Variants in SYNE1 observed in about 807,000 individuals in gnomAD.
The protein encoded by SYNE1 is nesprin-1.
In SYNE1, 616 loss-of-function variants were observed where a neutral mutation model predicts 1,111.0. The observed-to-expected ratio is 0.55, with a 90% CI of 0.52 to 0.59. The LOEUF is 0.59. Among genes scored for constraint, SYNE1 ranks in the 20% least tolerant of loss-of-function variants. The pLI, the probability that SYNE1 is intolerant of heterozygous loss-of-function variation, is 0.00. For missense variants in SYNE1, 10,006 were observed against 10,417.0 expected, an observed-to-expected ratio of 0.96 and a Z score of 1.72; for synonymous variants, 3,855 against 3,825.8, an observed-to-expected ratio of 1.01 and a Z score of -0.28.
chr6:152,633,003 A>G (rs1428970137), intron 2 of SYNE1, among the ~76,000 whole-genome samples: 1 of 152,238 alleles, frequency 6.6e-6, no homozygotes, highest in Non-Finnish European at 1.5e-5. Context: ...CGACTGGTGC[A>G]AGGTCATGAG....
Position 152,330,029 on chromosome 6 carries a change from T to C in SYNE1, c.14656A>G (p.Ser4886Gly), listed in dbSNP as rs907792819. The C allele has an allele frequency of 1.2e-5, 19 of 1,614,062 alleles. No individual in the cohort carries two copies. The highest frequency in any genetic ancestry group is 5.3e-5 in the African/African-American group (4 of 74,912). Residue 4886 changes from serine to glycine, a missense_variant, in exon 78 of 146, where the codon AGT becomes GGT. Physicochemically the swap from Ser to Gly is moderately conservative, Grantham distance 56. Around this residue, in one of 7 missense-constraint regions of SYNE1, gnomAD observed 4,955 missense variants for 5,017.2 expected, o/e 0.99. Transcript: ENST00000367255. The part of the protein sequence containing the change: ...VTECESRMVQ[S>G]IDFQTEMSRS... ...CTCATCTCAGTCTGGAAGTCTATAC[T>C]CTGCACCATTCGGCTCTCACATTCT...
intron 41 of SYNE1, 138 bp from the exon 42 acceptor site, chr6:152,413,669 T>C: frequency 1.2e-6 from 1 of 859,660 alleles, no homozygotes; most frequent in South Asian, 1.6e-5. Flanking sequence ...ATTAAATTAA[T>C]GTTTATCAAT....
At chr6:152,243,837 G>T (rs2086399677) in intron 106 of SYNE1, among the ~76,000 whole-genome samples, 1 of 152,064 alleles carries the variant, frequency 6.6e-6, no homozygotes, top group Non-Finnish European at 1.5e-5. Flanking sequence ...TTTCTTGATC[G>T]AACATAACTG....
At chr6:152,254,218 C>T (rs1010334189) in intron 104 of SYNE1, among the ~76,000 whole-genome samples, 9 of 130,424 alleles carry the variant, frequency 6.9e-5, no homozygotes, top group South Asian at 2.7e-4. Context: ...ATGGCCCTTT[C>T]TATATTCCAA....
At chr6:152,435,857 A>AGAG (rs2154214448) in intron 33 of SYNE1, 84 bp downstream of exon 33, 2 of 1,512,984 alleles carry the variant, frequency 1.3e-6, no homozygotes, top group South Asian at 2.3e-5. Flanking sequence ...AGATTTTAAA[A>AGAG]GAGTGTTTTG....
intron 96 of SYNE1, among the ~76,000 whole-genome samples, chr6:152,282,530 T>C (rs1388451875): frequency 1.3e-5 from 2 of 152,294 alleles, no homozygotes; most frequent in East Asian, 3.9e-4. Context: ...AGTTTTTCAA[T>C]GATTGCAAAT....
At chr6:152,447,647 G>C in intron 28 of SYNE1, 25 bp from the exon 29 acceptor site, 2 of 1,613,880 alleles carry the variant, frequency 1.2e-6, no homozygotes, top group Non-Finnish European at 1.7e-6. Context: ...CACTTTTGAT[G>C]AACACAGTGC....
chr6:152,524,632 G>A (rs1426400295), intron 5 of SYNE1, among the ~76,000 whole-genome samples: 1 of 152,058 alleles, frequency 6.6e-6, no homozygotes, highest in Non-Finnish European at 1.5e-5. Flanking sequence ...TTCCAAAGCA[G>A]AGCTTGAGAC....
chr6:152,622,611 G>A (rs541566269), intron 3 of SYNE1, among the ~76,000 whole-genome samples: 1 of 152,168 alleles, frequency 6.6e-6, no homozygotes, highest in African/African-American at 2.4e-5. Context: ...TTCTTTTTAT[G>A]GCTGCATAGT....
rs1269128901 is a variant in SYNE1, at chr6:152,336,857, A to G, written c.12512T>C (p.Met4171Thr). The change falls in exon 76 of 146, where the codon ATG becomes ACG. Residue 4171 changes from methionine to threonine, a missense_variant. Transcript: ENST00000367255. ...SELELNIAQN[M>T]VSQVKDFVKK... ...AATTCCCACCTTAACTTGTGAAACC[A>G]TGTTCTGTGCAATGTTCAGCTCCAG... 3 of 1,613,700 alleles carry G rather than the reference A, an allele frequency of 1.9e-6. No individual in the cohort carries two copies. Among genetic ancestry groups the G allele is most frequent in the East Asian group, 4.5e-5 (2 of 44,886 alleles).
intron 112 of SYNE1, among the ~76,000 whole-genome samples, 160 bp downstream of exon 112, chr6:152,233,621 G>A (rs983977411): frequency 6.6e-6 from 1 of 152,138 alleles, no homozygotes; most frequent in Non-Finnish European, 1.5e-5. Context: ...CACCGCGCCC[G>A]GCCAGAGTTC....
intron 56 of SYNE1, among the ~76,000 whole-genome samples, chr6:152,377,267 G>A (rs1467482597): frequency 6.6e-6 from 1 of 152,028 alleles, no homozygotes; most frequent in Non-Finnish European, 1.5e-5. Context: ...TTGTTTAAAG[G>A]TGAAAACAAA....
At chr6:152,256,539 G>A (rs1242617574) in intron 102 of SYNE1, 95 bp downstream of exon 102, 2 of 1,542,202 alleles carry the variant, frequency 1.3e-6, no homozygotes, top group Admixed American at 1.7e-5. Context: ...ATGCTCAGGG[G>A]TGGATGCAAC....
Position 152,581,334 on chromosome 6 carries a change from C to A in SYNE1, c.68-41313G>T, listed in dbSNP as rs548486220. On this transcript the variant is annotated intron_variant, in intron 3 of 145. Coordinates refer to ENST00000367255, the MANE Select transcript of SYNE1 (RefSeq NM_182961.4). ...ACAACCTTCAGCCTGTACCTCAAAT[C>A]AAATGACCTCCCAGTTACCCAGAGA... is the stretch of plus-strand genomic sequence containing the variant. Among the ~76,000 whole-genome samples, 4 of 152,284 alleles carry A rather than the reference C, an allele frequency of 2.6e-5. No individual in the cohort carries two copies. In the South Asian group the frequency reaches 8.3e-4, roughly 32 times the overall value.
At chr6:152,131,053 C>T (rs1350187105) in intron 144 of SYNE1, among the ~76,000 whole-genome samples, 1 of 152,114 alleles carries the variant, frequency 6.6e-6, no homozygotes, top group Non-Finnish European at 1.5e-5. Context: ...ATGGTAGAAA[C>T]ACATGTGTAT....
rs541583108 is a variant in SYNE1, at chr6:152,489,263, C to G, written c.940-760G>C. 3.3e-5 allele frequency among the ~76,000 whole-genome samples: 5 copies of G among 152,110 alleles called. No homozygotes were observed. In the East Asian group the frequency reaches 9.6e-4, roughly 29 times the overall value. On this transcript the variant is annotated intron_variant, in intron 11 of 145. Coordinates refer to ENST00000367255, the MANE Select transcript of SYNE1 (RefSeq NM_182961.4). ...GCCAAGTATTCATAATCATACCGTA[C>G]ATGATTTTTCGGCATTTACAAAATG...
chr6:152,212,278 C>T (rs970713684), intron 123 of SYNE1, among the ~76,000 whole-genome samples: 3 of 152,132 alleles, frequency 2.0e-5, no homozygotes, highest in Non-Finnish European at 4.4e-5. Context: ...AATCATTCCC[C>T]ATTTCTTCCC....
intron 45 of SYNE1, among the ~76,000 whole-genome samples, chr6:152,404,636 C>G (rs1038559572): frequency 6.6e-5 from 10 of 152,114 alleles, no homozygotes; most frequent in Non-Finnish European, 8.8e-5. Context: ...GGCTAACTGT[C>G]ATTTATTCAT....
Position 152,331,190 on chromosome 6 carries a change from C to T in SYNE1, c.13495G>A (p.Ala4499Thr), listed in dbSNP as rs1243703764. ...TGGTAAGTCTTGAGGCTGGCTTGTGCACTCTTACATGTTTTGACTTGTTTG... is the reference window on the plus strand; with the variant it reads ...TGGTAAGTCTTGAGGCTGGCTTGTGTACTCTTACATGTTTTGACTTGTTTG... ...VSKQVKTCKS[A>T]QASLKTYQNE... Residue 4499 changes from alanine (A) to threonine (T), a missense_variant, in exon 78 of 146, where the codon GCA becomes ACA. By Grantham distance (58) the Ala-to-Thr change is moderately conservative (BLOSUM62 0). Coordinates refer to ENST00000367255, the MANE Select transcript of SYNE1 (RefSeq NM_182961.4). The T allele has an allele frequency of 1.9e-6, 3 of 1,613,870 alleles. No homozygotes were observed. Among genetic ancestry groups the T allele is most frequent in the Non-Finnish European group, 2.5e-6 (3 of 1,180,032 alleles).
Sources: allele counts gnomAD v4.1 joint callset (sites outside exome capture counted in the v4.1 genomes callset), GRCh38; gene constraint gnomAD v4.1.1; regional missense constraint gnomAD v4.1.1; transcripts MANE v1.5; gene names NCBI Gene and HGNC (gene_info 2026-07-23, HGNC 2026-07-21).